SAR1A: variants seen among roughly 807,000 people sequenced by gnomAD.
The protein encoded by SAR1A is small COPII coat GTPase SAR1A.
Under a neutral mutation model 22.6 loss-of-function variants are expected in SAR1A, and 6 were observed. The observed-to-expected ratio is 0.27, with a 90% confidence interval of 0.15 to 0.52. The LOEUF is 0.52. Among genes scored for constraint, SAR1A ranks in the 20% least tolerant of loss-of-function variants. SAR1A has a pLI of 0.96. For synonymous variants in SAR1A, 70 were observed against 82.2 expected, an observed-to-expected ratio of 0.85 and a Z score of 0.80; for missense variants, 145 against 245.1, an observed-to-expected ratio of 0.59 and a Z score of 2.73.
In SAR1A at chr10:70,161,101, T is replaced by G. The variant is rs769026063; in HGVS notation, c.179-32A>C. 10 of 1,543,632 alleles carry G rather than the reference T, an allele frequency of 6.5e-6. No individual in the cohort carries two copies. The South Asian group carries it at 1.0e-4, about 16-fold the overall frequency. Reference sequence around the variant, plus strand: ...AATTGTTTAAAAAGAAGAAAAAAACTTGTCAACTCAACAACCCCCAACTAC... The same window carrying G: ...AATTGTTTAAAAAGAAGAAAAAAACGTGTCAACTCAACAACCCCCAACTAC... On this transcript the variant is annotated intron_variant, in intron 3 of 6. Transcript: ENST00000373241.
chr10:70,157,535 A>G, intron 5 of SAR1A: 1 of 484,944 alleles, frequency 2.1e-6, no homozygotes, highest in Non-Finnish European at 3.7e-6. Context: ...TAATCACTGT[A>G]TGATAGAAAC....
chr10:70,161,486 C>T (rs1337609334), intron 3 of SAR1A, 133 bp downstream of exon 3: 32 of 980,940 alleles, frequency 3.3e-5, no homozygotes, highest in Admixed American at 7.9e-5. Flanking sequence ...GTGTGTCTTA[C>T]AGGGAACTTT....
intron 5 of SAR1A, among the ~76,000 whole-genome samples, chr10:70,157,231 C>A (rs536121599): frequency 6.6e-6 from 1 of 151,914 alleles, no homozygotes; most frequent in Non-Finnish European, 1.5e-5. Context: ...GGTGAAACTC[C>A]GTCGCTACTA....
At chr10:70,157,385 C>A (rs1370240653) in intron 5 of SAR1A, among the ~76,000 whole-genome samples, 1 of 138,410 alleles carries the variant, frequency 7.2e-6, no homozygotes. Flanking sequence ...ACCTGGGCAA[C>A]AGAGCAAGAC....
intron 1 of SAR1A, chr10:70,164,197 T>C (rs1589878279): frequency 9.7e-6 from 6 of 617,580 alleles, no homozygotes; most frequent in Non-Finnish European, 1.8e-5. Flanking sequence ...TTGTAACTTA[T>C]CTGTAAAAGG....
chr10:70,152,807 T>C (rs898475397), intron 6 of SAR1A, among the ~76,000 whole-genome samples: 1 of 152,212 alleles, frequency 6.6e-6, no homozygotes, highest in South Asian at 2.1e-4. Flanking sequence ...CCTTTCTCTC[T>C]CTGAAGAGCA....
chr10:70,158,746 T>G (rs1839427295), intron 4 of SAR1A, among the ~76,000 whole-genome samples: 1 of 121,728 alleles, frequency 8.2e-6, no homozygotes, highest in African/African-American at 4.4e-5. Context: ...AGTTAAAATT[T>G]TTAAGTTATA....
intron 5 of SAR1A, among the ~76,000 whole-genome samples, chr10:70,156,113 T>G (rs542609741): frequency 6.6e-6 from 1 of 152,074 alleles, no homozygotes; most frequent in Non-Finnish European, 1.5e-5. Context: ...ACAGAATCAG[T>G]AGTAGGAGTT....
chr10:70,156,367 A>G, intron 5 of SAR1A, among the ~76,000 whole-genome samples: 1 of 152,206 alleles, frequency 6.6e-6, no homozygotes, highest in East Asian at 1.9e-4. Flanking sequence ...AGAGGAGTTT[A>G]AACAAAGAGA....
At position 70,152,430 on chromosome 10, in the gene SAR1A, G is replaced by C. The variant is rs753785428; in HGVS notation, c.*46C>G. 1 of 1,375,252 alleles carries C rather than the reference G, an allele frequency of 7.3e-7. No individual in the cohort carries two copies. The highest frequency in any genetic ancestry group is 1.7e-5 in the Admixed American group (1 of 59,648). 85.2% of individuals were successfully genotyped at this position (1,375,252 alleles called of 1,614,324 possible). A position where few individuals can be genotyped will look rare whatever the true frequency, so the allele number is the denominator to read the frequency against. On this transcript the variant is annotated 3_prime_UTR_variant, in exon 7 of 7. Transcript: ENST00000373241. Reference sequence around the variant, plus strand: ...AAGTTCATGAGGAAGCTGTGAATAGGATCAGTCCAGAGAAGTAAAACTCTT... The same window carrying C: ...AAGTTCATGAGGAAGCTGTGAATAGCATCAGTCCAGAGAAGTAAAACTCTT...
At chr10:70,164,270 G>T (rs563136491) in intron 1 of SAR1A, 2 of 532,270 alleles carry the variant, frequency 3.8e-6, no homozygotes, top group South Asian at 2.1e-5. Context: ...TCCTCCATGT[G>T]TTCTTCCCTT....
intron 6 of SAR1A, among the ~76,000 whole-genome samples, chr10:70,153,288 G>T (rs1363205559): frequency 6.6e-6 from 1 of 152,202 alleles, no homozygotes; most frequent in African/African-American, 2.4e-5. Context: ...ATTGAAGACA[G>T]TAAAAACTAT....
intron 4 of SAR1A, 89 bp downstream of exon 4, chr10:70,160,915 G>T: frequency 1.3e-6 from 1 of 760,196 alleles, no homozygotes; most frequent in South Asian, 2.0e-5. Flanking sequence ...TAATTTAAAA[G>T]GTAAAAATGA....
intron 5 of SAR1A, among the ~76,000 whole-genome samples, chr10:70,156,670 T>C (rs1283384527): frequency 1.5e-5 from 1 of 64,622 alleles, no homozygotes; most frequent in Non-Finnish European, 4.6e-5. Context: ...AAGATTCTGT[T>C]TAAAAAAAAA....
chr10:70,157,883 T>G lies in SAR1A; in HGVS notation c.245-16A>C, dbSNP rs1198236143. 1 of 1,514,508 alleles carries G rather than the reference T, an allele frequency of 6.6e-7. No homozygotes were observed. Among genetic ancestry groups the G allele is most frequent in the Non-Finnish European group, 9.2e-7 (1 of 1,091,818 alleles). 93.8% of individuals were successfully genotyped at this position (1,514,508 alleles called of 1,614,324 possible). On this transcript the variant is annotated splice_polypyrimidine_tract_variant and intron_variant, in intron 4 of 6. Transcript: ENST00000373241. ...ACGCGACGTGCTAAAAAACAAAGTT[T>G]GTAGTTGCATGAGTAAAAAATATAC...
intron 4 of SAR1A, among the ~76,000 whole-genome samples, chr10:70,160,414 G>A (rs143936975): frequency 1.6e-4 from 25 of 152,008 alleles, no homozygotes; most frequent in African/African-American, 5.5e-4. Context: ...AGAGTAAAGG[G>A]GCATGATATG....
intron 1 of SAR1A, among the ~76,000 whole-genome samples, chr10:70,170,002 G>A (rs955031482): frequency 2.1e-4 from 32 of 152,102 alleles, no homozygotes; most frequent in African/African-American, 6.5e-4. Context: ...CGCTAACTGC[G>A]GAGCCTTGGC....
intron 4 of SAR1A, among the ~76,000 whole-genome samples, chr10:70,158,941 A>C (rs906322990): frequency 4.6e-5 from 7 of 152,154 alleles, no homozygotes; most frequent in Admixed American, 3.9e-4. Flanking sequence ...AATTTATCAC[A>C]CCAAACAATC....
chr10:70,167,795 A>G (rs748347617), intron 1 of SAR1A, among the ~76,000 whole-genome samples: 85 of 152,216 alleles, frequency 5.6e-4, no homozygotes, highest in Non-Finnish European at 1.1e-3. Flanking sequence ...GCTCTTACGA[A>G]AAAATACTAA....
Sources: allele counts gnomAD v4.1 joint callset (sites outside exome capture counted in the v4.1 genomes callset), GRCh38; gene constraint gnomAD v4.1.1; transcripts MANE v1.5; gene names NCBI Gene and HGNC (gene_info 2026-07-23, HGNC 2026-07-21).